NLRP12: variants seen among roughly 807,000 people sequenced by gnomAD.
NLRP12 encodes NACHT, LRR and PYD domains-containing protein 12.
NLRP12 carries 108 observed loss-of-function variants against 91.2 expected under a neutral mutation model. The ratio of observed to expected loss-of-function variants is 1.18; its 90% CI spans 1.01 to 1.39. The LOEUF is 1.39. Ranked by LOEUF, NLRP12 falls within the 40% of genes most tolerant of loss-of-function variation. The pLI is 0.00. For synonymous variants in NLRP12, 613 were observed against 566.7 expected (o/e 1.08, Z -1.16); for missense variants, 1,530 against 1,352.7 (o/e 1.13, Z -2.06).
chr19:53,795,443 T>G (rs1327616161), intron 9 of NLRP12, among the ~76,000 whole-genome samples: 1 of 151,694 alleles, frequency 6.6e-6, no homozygotes, highest in Non-Finnish European at 1.5e-5. Context: ...GGTGTGATCT[T>G]GGGTCACTGC....
At position 53,809,601 on chromosome 19, in the gene NLRP12, C is replaced by A. The variant is rs1014676111; in HGVS notation, c.2058G>T (p.Thr686=). The A allele has an allele frequency of 6.2e-7, 1 of 1,611,438 alleles. No individual in the cohort carries two copies. The highest frequency in any genetic ancestry group is 1.7e-5 in the Admixed American group (1 of 59,884). The part of the protein sequence containing the change: ...DRARCSAGAH[T]LLVQLPERTV... ...GGGATACTTACAGCTGCACCAACAG[C>A]GTGTGCGCTCCTGCGGAGCACCTCG... The change falls in exon 3 of 10, where the codon ACG becomes ACT. Residue 686 remains threonine, a synonymous_variant. Transcript: ENST00000324134.
intron 9 of NLRP12, 136 bp from the exon 10 acceptor site, chr19:53,794,272 A>G: frequency 1.3e-6 from 1 of 747,228 alleles, no homozygotes. Flanking sequence ...GCTGCTGGAA[A>G]GTAGGCTTAC....
chr19:53,804,560 C>T (rs2122599747), intron 5 of NLRP12, among the ~76,000 whole-genome samples: 1 of 150,860 alleles, frequency 6.6e-6, no homozygotes, highest in Non-Finnish European at 1.5e-5. Flanking sequence ...AGGTGTGTGC[C>T]ACCACGCCCA....
chr19:53,796,839 T>C (rs2091771885), intron 8 of NLRP12, among the ~76,000 whole-genome samples: 1 of 150,162 alleles, frequency 6.7e-6, no homozygotes. Context: ...CTACTAAAAA[T>C]ACAAAATTAG....
chr19:53,793,965 C>T lies in NLRP12; in HGVS notation c.*84G>A. The T allele has an allele frequency of 1.1e-6, 1 of 926,568 alleles. No homozygotes were observed. The highest frequency in any genetic ancestry group is 1.8e-6 in the Non-Finnish European group (1 of 553,304). 57.4% of individuals were successfully genotyped at this position (926,568 alleles called of 1,614,324 possible). ...CATGAGTCTGTCTCTAGGAAGGAGG[C>T]TGATCATTATGCTGGGGGGGTGATG... On this transcript the variant is annotated 3_prime_UTR_variant, in exon 10 of 10. Transcript: ENST00000324134.
chr19:53,824,403 T>C (rs1434988131), upstream of NLRP12: 4 of 546,242 alleles, frequency 7.3e-6, no homozygotes, highest in Non-Finnish European at 1.3e-5. Context: ...ATGGCTGTTC[T>C]GGGTGGAGAA....
chr19:53,806,800 G>C (rs75758592), intron 4 of NLRP12, among the ~76,000 whole-genome samples: 10,345 of 150,082 alleles, frequency 0.069, 385 homozygotes, highest in East Asian at 0.13. Flanking sequence ...TGGGGCTGCA[G>C]TGAGCCATGA....
chr19:53,809,385 G>A (rs1179888197), intron 3 of NLRP12, among the ~76,000 whole-genome samples: 1 of 150,142 alleles, frequency 6.7e-6, no homozygotes, highest in Non-Finnish European at 1.5e-5. Context: ...ACAAAAATTA[G>A]GTGGGCGTGG....
At chr19:53,801,129 A>T in intron 7 of NLRP12, 98 bp downstream of exon 7, 10 of 1,003,480 alleles carry the variant, frequency 1.0e-5, no homozygotes, top group Non-Finnish European at 1.5e-5. Context: ...TAGTAGCTAG[A>T]GTTTAGGAGC....
intron 2 of NLRP12, 128 bp from the exon 3 acceptor site, chr19:53,811,416 A>G (rs1193008366): frequency 1.6e-5 from 17 of 1,053,146 alleles, no homozygotes; most frequent in Non-Finnish European, 2.5e-5. Flanking sequence ...CAGGAGGCTG[A>G]GATGGGAGAA....
chr19:53,795,829 C>T, intron 9 of NLRP12, 30 bp downstream of exon 9: 1 of 1,610,282 alleles, frequency 6.2e-7, no homozygotes, highest in African/African-American at 1.3e-5. Flanking sequence ...GTCCAGCCTC[C>T]TCCAGAAAGA....
chr19:53,794,411 C>A (rs2091708195), intron 9 of NLRP12, among the ~76,000 whole-genome samples: 1 of 151,270 alleles, frequency 6.6e-6, no homozygotes, highest in Non-Finnish European at 1.5e-5. Context: ...CCTCCACCTC[C>A]CAGGTTCAAG....
chr19:53,823,910 C>G lies in NLRP12; in HGVS notation c.265G>C (p.Gly89Arg), dbSNP rs753292620. The change falls in exon 1 of 10, where the codon GGA (glycine) becomes CGA (arginine). Residue 89 changes from glycine to arginine, a missense_variant. Coordinates refer to ENST00000324134, the MANE Select transcript of NLRP12 (RefSeq NM_144687.4). ...RINRKDLWER[G>R]QREDLVRDTP... is the part of the protein sequence containing the mutation. ...CCCCTCACCAGGTCCTCTCTCTGTC[C>G]TCTCTCCCACAGGTCCTTCCTGTTT... 1 of 1,613,912 alleles carries G rather than the reference C, an allele frequency of 6.2e-7. No individual in the cohort carries two copies. The highest frequency in any genetic ancestry group is 8.5e-7 in the Non-Finnish European group (1 of 1,180,032).
At chr19:53,800,066 C>T (rs1005629530) in intron 7 of NLRP12, among the ~76,000 whole-genome samples, 6 of 151,904 alleles carry the variant, frequency 3.9e-5, no homozygotes, top group South Asian at 2.1e-4. Context: ...TTTGGGAGGC[C>T]GAGGCAGGTG....
intron 1 of NLRP12, among the ~76,000 whole-genome samples, chr19:53,815,626 C>T (rs1045478924): frequency 6.0e-4 from 88 of 147,694 alleles, no homozygotes; most frequent in African/African-American, 1.7e-3. Flanking sequence ...TTTTTCTTTT[C>T]GAGACGGAGT....
Position 53,810,860 on chromosome 19 carries a change from G to C in NLRP12, c.799C>G (p.Leu267Val), listed in dbSNP as rs1568681939. 1 of 1,614,082 alleles carries C rather than the reference G, an allele frequency of 6.2e-7. No individual in the cohort carries two copies. The highest frequency in any genetic ancestry group is 8.5e-7 in the Non-Finnish European group (1 of 1,180,038). Residue 267 changes from leucine to valine, a missense_variant, in exon 3 of 10, where the codon CTC becomes GTC. Transcript: ENST00000324134. ...GGCTCAGGCCAGCAGCTGAAGATGAGGTCTTGCATGCTGCATTCCGTGGCA... is the reference window on the plus strand; with the variant it reads ...GGCTCAGGCCAGCAGCTGAAGATGACGTCTTGCATGCTGCATTCCGTGGCA... ...QSATECSMQDLIFSCWPEPSA... is the reference protein window; with the variant it reads ...QSATECSMQDVIFSCWPEPSA...
At position 53,809,844 on chromosome 19, in the gene NLRP12, G is replaced by T; in HGVS notation, c.1815C>A (p.Thr605=). ...AGAACTCCAAGGAGCCCTGCTGCAG[G>T]GTGGAGCCGTCGCTCTGAGCTTTGC... ...IQSKAQSDGS[T]LQQGSLEFFS... is the part of the protein sequence containing the mutation. The change falls in exon 3 of 10, where the codon ACC becomes ACA. Residue 605 remains threonine, a synonymous_variant. Transcript: ENST00000324134. 6.2e-7 allele frequency: 1 copy of T among 1,614,120 alleles called. No individual in the cohort carries two copies. The highest frequency in any genetic ancestry group is 8.5e-7 in the Non-Finnish European group (1 of 1,180,022).
In NLRP12 at chr19:53,824,120, C is replaced by A. The variant is rs756088099; in HGVS notation, c.55G>T (p.Glu19Ter). 2 of 1,614,120 alleles carry A rather than the reference C, an allele frequency of 1.2e-6. No homozygotes were observed. Among genetic ancestry groups the A allele is most frequent in the Admixed American group, 3.3e-5 (2 of 59,998 alleles). The change falls in exon 1 of 10, where the codon GAA becomes TAA. Residue 19 changes from glutamate (E) to a stop codon, truncating the protein, a stop_gained. Coordinates refer to ENST00000324134, the MANE Select transcript of NLRP12 (RefSeq NM_144687.4). LOFTEE classifies it high-confidence loss of function. ...GLCRLSTYLEELEAVELKKFK... is the reference protein window; with the variant it reads ...GLCRLSTYLE Reference sequence around the variant, plus strand: ...TTCTTCAGTTCCACAGCCTCGAGTTCTTCCAAGTAGGTGGACAGGCGACAG... The same window carrying A: ...TTCTTCAGTTCCACAGCCTCGAGTTATTCCAAGTAGGTGGACAGGCGACAG...
At chr19:53,820,657 A>G (rs2092252166) in intron 1 of NLRP12, among the ~76,000 whole-genome samples, 1 of 151,912 alleles carries the variant, frequency 6.6e-6, no homozygotes, top group South Asian at 2.1e-4. Context: ...TAGCCTGGGC[A>G]ACATAGTGAG....
Sources: gnomAD v4.1 joint callset for allele counts (sites outside exome capture counted in the v4.1 genomes callset) on GRCh38, gnomAD v4.1.1 for gene constraint, MANE v1.5 for transcripts, NCBI Gene and HGNC (gene_info 2026-07-23, HGNC 2026-07-21) for gene names.